The following ITFG2 variants were observed in gnomAD, a reference collection of about 807,000 sequenced individuals.
ITFG2 encodes integrin alpha FG-GAP repeat containing 2, also known as KICSTOR complex protein ITFG2.
A neutral mutation model predicts 54.4 loss-of-function variants in ITFG2; 36 were observed. The ratio of observed to expected loss-of-function variants is 0.66; its 90% CI spans 0.51 to 0.87. ITFG2 has a LOEUF of 0.87. ITFG2 is among the 40% of genes least tolerant of loss of function. The probability of loss-of-function intolerance (pLI) is 0.00; values close to 1 mark genes in which losing one functional copy is unlikely to be tolerated. For synonymous variants in ITFG2, 211 were observed against 225.4 expected (o/e 0.94, Z 0.57); for missense variants, 524 against 576.7 (o/e 0.91, Z 0.94).
At chr12:2,842,122 T>TTC (rs1222474931) in intron 2 of ITFG2, among the ~76,000 whole-genome samples, 2 of 137,088 alleles carry the variant, frequency 1.5e-5, no homozygotes, top group Admixed American at 7.2e-5. Context: ...ACTTGTTTCT[T>TTC]TTTTTTTTTT....
chr12:2,859,521 A>T, intron 3 of ITFG2: 2 of 1,614,060 alleles, frequency 1.2e-6, no homozygotes, highest in South Asian at 2.2e-5. Flanking sequence ...TAAGTGTGGC[A>T]TTTCCTCCCC....
At chr12:2,833,495 G>T (rs1413268063), upstream of ITFG2, among the ~76,000 whole-genome samples, 2 of 152,112 alleles carry the variant, frequency 1.3e-5, no homozygotes, top group Non-Finnish European at 2.9e-5. Context: ...GCTAAGTAGG[G>T]AAAGGCGAGG....
At chr12:2,818,551 G>T (rs573367948) in intron 4 of ITFG2, 3 of 473,994 alleles carry the variant, frequency 6.3e-6, no homozygotes, top group African/African-American at 3.9e-5. Flanking sequence ...TGATACCAAC[G>T]CTTTGGGAGG....
chr12:2,828,388 G>A (rs772842823), downstream of ITFG2: 35 of 1,613,948 alleles, frequency 2.2e-5, no homozygotes, highest in Middle Eastern at 1.6e-4. Flanking sequence ...CTGTGTCAAC[G>A]GCCACTCTAA....
At chr12:2,855,274 A>C (rs902976120) in intron 2 of ITFG2, 21 of 1,516,082 alleles carry the variant, frequency 1.4e-5, no homozygotes, top group Non-Finnish European at 1.6e-5. Context: ...CCAAGGGTGG[A>C]TGAGCCGCTG....
intron 5 of ITFG2, 68 bp downstream of exon 5, chr12:2,820,293 G>A: frequency 1.3e-6 from 2 of 1,487,148 alleles, no homozygotes; most frequent in South Asian, 1.4e-5. Flanking sequence ...AGGAGGTAGT[G>A]GGAGAGCAGT....
chr12:2,854,695 T>C (rs925461637), intron 2 of ITFG2, among the ~76,000 whole-genome samples: 2 of 152,186 alleles, frequency 1.3e-5, no homozygotes, highest in East Asian at 1.9e-4. Context: ...CCCCCAGATT[T>C]TAGTGAAACT....
At chr12:2,842,493 CATT>C (rs1359996867) in intron 2 of ITFG2, among the ~76,000 whole-genome samples, 130 of 1,186 alleles carry the variant, frequency 0.11, no homozygotes, top group Admixed American at 0.25. Context: ...TGTAATCCCA[CATT>C]TTTGGAAGGC....
downstream of ITFG2, chr12:2,826,087 A>T (rs1489144118): frequency 6.6e-6 from 1 of 151,840 alleles, no homozygotes; most frequent in African/African-American, 2.4e-5. Flanking sequence ...CTAATCCATG[A>T]TTTGAGAGAC....
intron 3 of ITFG2, 28 bp from the exon 4 acceptor site, chr12:2,818,078 A>G (rs757875504): frequency 4.3e-6 from 7 of 1,610,440 alleles, no homozygotes; most frequent in South Asian, 2.2e-5. Context: ...TCCCCAGTCC[A>G]TCTCTACTAT....
chr12:2,845,643 G>T lies in ITFG2; in HGVS notation n.300+4648G>T, dbSNP rs1044373709. Among the ~76,000 whole-genome samples the T allele has an allele frequency of 6.6e-6, 1 of 152,088 alleles. No individual in the cohort carries two copies. Among genetic ancestry groups the T allele is most frequent in the African/African-American group, 2.4e-5 (1 of 41,400 alleles). ...GGGTGTTCTGGGGAGTGAAGTATGT[G>T]GGGGAAAGGGGTGTCCATACCTTCA... On this transcript the variant is annotated intron_variant and non_coding_transcript_variant, in intron 2 of 3. Transcript: ENST00000537710. This position sits in a 1 kb window ranked among gnomAD's most constrained non-coding sequence, Gnocchi z 4.2.
At chr12:2,844,437 C>G (rs536681340) in intron 2 of ITFG2, among the ~76,000 whole-genome samples, 1 of 152,078 alleles carries the variant, frequency 6.6e-6, no homozygotes, top group South Asian at 2.1e-4. Flanking sequence ...GCTTGTAATC[C>G]CAGCTACTTG....
intron 2 of ITFG2, chr12:2,857,247 CTG>C (rs1345328984): frequency 1.0e-5 from 6 of 578,284 alleles, no homozygotes; most frequent in Middle Eastern, 4.6e-4. Context: ...CTGCAAAAAA[CTG>C]TAACAGGAGC....
chr12:2,854,496 C>G (rs1168009301), intron 2 of ITFG2, among the ~76,000 whole-genome samples: 2 of 152,242 alleles, frequency 1.3e-5, no homozygotes, highest in Non-Finnish European at 2.9e-5. Flanking sequence ...GGCCTTCGGG[C>G]TACAGCTTTC....
At chr12:2,838,351 G>T (rs1021451507) in intron 1 of ITFG2, among the ~76,000 whole-genome samples, 1 of 152,094 alleles carries the variant, frequency 6.6e-6, no homozygotes, top group Non-Finnish European at 1.5e-5. Context: ...TCCTTTGGGG[G>T]AGTTGTGCTA....
At chr12:2,839,360 A>G (rs1350297010) in intron 1 of ITFG2, among the ~76,000 whole-genome samples, 1 of 152,224 alleles carries the variant, frequency 6.6e-6, no homozygotes, top group Non-Finnish European at 1.5e-5. Context: ...CAGAGGGGGA[A>G]GAAACTTCGT....
intron 1 of ITFG2, among the ~76,000 whole-genome samples, chr12:2,813,947 T>G (rs1201315748): frequency 6.6e-6 from 1 of 152,116 alleles, no homozygotes; most frequent in Non-Finnish European, 1.5e-5. Context: ...TTTTAAAATT[T>G]TTTTGTTTTT....
chr12:2,820,387 G>A (rs544245312), intron 5 of ITFG2, among the ~76,000 whole-genome samples, 162 bp downstream of exon 5: 1 of 152,240 alleles, frequency 6.6e-6, no homozygotes, highest in South Asian at 2.1e-4. Context: ...AGGGGCTTAG[G>A]GGAAATTGCT....
chr12:2,829,399 A>G (rs1242861905), downstream of ITFG2, among the ~76,000 whole-genome samples: 1 of 152,260 alleles, frequency 6.6e-6, no homozygotes, highest in Non-Finnish European at 1.5e-5. Flanking sequence ...AGGTATATCA[A>G]TGAATGCTAT....
Sources: gnomAD v4.1 joint callset for allele counts (sites outside exome capture counted in the v4.1 genomes callset) on GRCh38, gnomAD v4.1.1 for gene constraint, Gnocchi (gnomAD v3.1) non-coding constraint, MANE v1.5 for transcripts, NCBI Gene and HGNC (gene_info 2026-07-23, HGNC 2026-07-21) for gene names.